The following SEC14L1 variants were observed in gnomAD, a reference collection of about 807,000 sequenced individuals.
SEC14L1 encodes SEC14-like protein 1.
A neutral mutation model predicts 85.3 loss-of-function variants in SEC14L1; 48 were observed. The observed-to-expected ratio is 0.56, with a 90% CI of 0.45 to 0.72. The LOEUF (loss-of-function observed/expected upper bound fraction) is 0.72. Among genes scored for constraint, SEC14L1 ranks in the 30% least tolerant of loss-of-function variants. The pLI, the probability that SEC14L1 is intolerant of heterozygous loss-of-function variation, is 0.00. For missense variants in SEC14L1, 682 were observed against 921.4 expected, an observed-to-expected ratio of 0.74 and a Z score of 3.36; for synonymous variants, 391 against 355.5, an observed-to-expected ratio of 1.10 and a Z score of -1.12.
At chr17:77,178,062 C>A (rs888404473) in intron 3 of SEC14L1, among the ~76,000 whole-genome samples, 1 of 148,260 alleles carries the variant, frequency 6.7e-6, no homozygotes, top group Non-Finnish European at 1.5e-5. Context: ...CCCTCCCCCC[C>A]CCCTTTTTTT....
chr17:77,207,713 A>G (rs1323998101), intron 13 of SEC14L1, among the ~76,000 whole-genome samples: 1 of 152,182 alleles, frequency 6.6e-6, no homozygotes, highest in African/African-American at 2.4e-5. Context: ...CGGCCTTCCA[A>G]AGTGCCGGGA....
At chr17:77,143,866 G>T in intron 3 of SEC14L1, 1 of 438,700 alleles carries the variant, frequency 2.3e-6, no homozygotes, top group East Asian at 3.9e-5. Context: ...TAAAAAAAAT[G>T]CACCTCAGGG....
chr17:77,191,345 T>G (rs764634974), intron 5 of SEC14L1, 33 bp downstream of exon 5: 50 of 1,611,134 alleles, frequency 3.1e-5, no homozygotes. Flanking sequence ...GAAGATGTTC[T>G]GCCGACATAT....
intron 15 of SEC14L1, 46 bp downstream of exon 15, chr17:77,212,247 G>T (rs775904722): frequency 6.2e-7 from 1 of 1,601,378 alleles, no homozygotes; most frequent in East Asian, 2.2e-5. Context: ...ACTCCACACG[G>T]CCAGGTGATT....
chr17:77,191,327 A>C lies in SEC14L1; in HGVS notation c.345+15A>C. 6.2e-7 allele frequency: 1 copy of C among 1,613,582 alleles called. No individual in the cohort carries two copies. Among genetic ancestry groups the C allele is most frequent in the Non-Finnish European group, 8.5e-7 (1 of 1,179,716 alleles). On this transcript the variant is annotated intron_variant, in intron 5 of 16. Coordinates refer to ENST00000436233, the MANE Select transcript of SEC14L1 (RefSeq NM_001143998.2). ...GCTGCTACACCGTGAGTAATCTGTC[A>C]CTCGGCGGAAGATGTTCTGCCGACA...
In SEC14L1 at chr17:77,215,577, C is replaced by G. The variant is rs1976996514; in HGVS notation, c.*1554C>G. 2.0e-6 allele frequency: 2 copies of G among 986,776 alleles called. No homozygotes were observed. The highest frequency in any genetic ancestry group is 6.0e-5 in the Admixed American group (1 of 16,580). The allele number at this position is 986,776 out of a possible 1,614,324, so 61.1% of individuals were successfully genotyped here. A position where few individuals can be genotyped will look rare whatever the true frequency, so the allele number is the denominator to read the frequency against. On this transcript the variant is annotated 3_prime_UTR_variant, in exon 17 of 17. Coordinates refer to ENST00000436233, the MANE Select transcript of SEC14L1 (RefSeq NM_001143998.2). ...GAGCAGCCCTCTTGCCCGGTCGGGT[C>G]AGCCCTAGTGGCTGCCTGCACACTG...
chr17:77,174,505 A>G (rs1052399041), intron 3 of SEC14L1, among the ~76,000 whole-genome samples: 3 of 152,126 alleles, frequency 2.0e-5, no homozygotes, highest in African/African-American at 7.2e-5. Context: ...CTGCACTGCC[A>G]TTGTGTTTTT....
At chr17:77,154,944 G>T (rs963415542) in intron 3 of SEC14L1, among the ~76,000 whole-genome samples, 2 of 152,132 alleles carry the variant, frequency 1.3e-5, no homozygotes, top group Admixed American at 1.3e-4. Context: ...TTATTAAGGT[G>T]CGGATGGATT....
At chr17:77,173,699 A>C (rs1447053593) in intron 3 of SEC14L1, among the ~76,000 whole-genome samples, 1 of 152,204 alleles carries the variant, frequency 6.6e-6, no homozygotes, top group African/African-American at 2.4e-5. Context: ...AGTCCAAATA[A>C]AACAACAGTA....
chr17:77,136,282 TTCC>T (rs1972797323), upstream of SEC14L1, among the ~76,000 whole-genome samples: 1 of 151,602 alleles, frequency 6.6e-6, no homozygotes, highest in South Asian at 2.1e-4. Flanking sequence ...TCTCTCTCTC[TTCC>T]TTTCTTTCTC....
upstream of SEC14L1, among the ~76,000 whole-genome samples, chr17:77,139,235 C>T (rs755567915): frequency 3.2e-4 from 46 of 144,650 alleles, no homozygotes; most frequent in South Asian, 8.6e-4. Flanking sequence ...GGGCAGGTGG[C>T]GTGATCTTGC....
chr17:77,141,916 CA>C (rs1973068751), intron 1 of SEC14L1, among the ~76,000 whole-genome samples: 1 of 152,104 alleles, frequency 6.6e-6, no homozygotes, highest in Non-Finnish European at 1.5e-5. Context: ...CACTGTGCAC[CA>C]ACACTGTAAG....
chr17:77,170,123 A>G (rs1974461692), intron 3 of SEC14L1, among the ~76,000 whole-genome samples: 1 of 152,240 alleles, frequency 6.6e-6, no homozygotes, highest in South Asian at 2.1e-4. Flanking sequence ...TAACAAGACA[A>G]GCATTAAAAG....
chr17:77,176,053 G>A (rs1974737541), intron 3 of SEC14L1, among the ~76,000 whole-genome samples: 2 of 152,090 alleles, frequency 1.3e-5, no homozygotes, highest in South Asian at 4.2e-4. Flanking sequence ...ACTTTGGGAG[G>A]CCAGGGTAGG....
intron 3 of SEC14L1, among the ~76,000 whole-genome samples, chr17:77,117,609 G>A (rs1410322362): frequency 1.3e-5 from 2 of 152,164 alleles, no homozygotes; most frequent in Admixed American, 1.3e-4. Flanking sequence ...GAGTTGGCCT[G>A]TCACCAATGA....
At chr17:77,118,742 T>C (rs1376007449) in intron 3 of SEC14L1, among the ~76,000 whole-genome samples, 4 of 152,342 alleles carry the variant, frequency 2.6e-5, no homozygotes, top group East Asian at 3.9e-4. Flanking sequence ...CAGGCGTGCA[T>C]GCAGGCGGTG....
rs1976925756 is a variant in SEC14L1, at chr17:77,214,231, T to C, written c.*208T>C. ...TGATCCTAACTTAACTCAATAGCCA[T>C]AGATTTTGTATACGTTGTGCACAAA... is the stretch of plus-strand genomic sequence containing the variant. On this transcript the variant is annotated 3_prime_UTR_variant, in exon 17 of 17. Transcript: ENST00000436233. 1 of 1,379,878 alleles carries C rather than the reference T, an allele frequency of 7.2e-7. No individual in the cohort carries two copies. Among genetic ancestry groups the C allele is most frequent in the Non-Finnish European group, 9.3e-7 (1 of 1,069,602 alleles). The allele number at this position is 1,379,878 out of a possible 1,614,324, so 85.5% of individuals were successfully genotyped here.
chr17:77,097,008 C>A (rs1266698338), intron 3 of SEC14L1, among the ~76,000 whole-genome samples: 1 of 152,146 alleles, frequency 6.6e-6, no homozygotes, highest in Non-Finnish European at 1.5e-5. Flanking sequence ...TGTCAGGAAC[C>A]AAGCACAGGC....
At chr17:77,162,301 C>T (rs1598325547) in intron 3 of SEC14L1, among the ~76,000 whole-genome samples, 1 of 152,182 alleles carries the variant, frequency 6.6e-6, no homozygotes, top group South Asian at 2.1e-4. Context: ...GCCCCATTGG[C>T]TCCTTATTGT....
Sources: gnomAD v4.1 joint callset for allele counts (sites outside exome capture counted in the v4.1 genomes callset) on GRCh38, gnomAD v4.1.1 for gene constraint, MANE v1.5 for transcripts, NCBI Gene and HGNC (gene_info 2026-07-23, HGNC 2026-07-21) for gene names.